Variants in RNLS observed in about 807,000 individuals in gnomAD.
RNLS encodes renalase, FAD dependent amine oxidase.
In RNLS, 39 loss-of-function variants were observed where a neutral mutation model predicts 39.8. That is an observed-to-expected ratio of 0.98 (90% CI 0.76 to 1.28). The LOEUF (loss-of-function observed/expected upper bound fraction) is 1.28, where lower values mean the gene tolerates loss of function less well. Ranked by LOEUF, RNLS falls within the 50% of genes most tolerant of loss-of-function variation. The pLI, the probability that RNLS is intolerant of heterozygous loss-of-function variation, is 0.00. For missense variants in RNLS, 410 were observed against 413.3 expected (o/e 0.99, Z 0.07); for synonymous variants, 147 against 150.7 (o/e 0.98, Z 0.18).
At position 88,558,858 on chromosome 10, in the gene RNLS, T is replaced by C. The variant is rs183605705; in HGVS notation, c.526+14045A>G. 3.1e-3 allele frequency among the ~76,000 whole-genome samples: 479 copies of C among 152,300 alleles called. 3 individuals are homozygous for C. Among genetic ancestry groups the C allele is most frequent in the African/African-American group, 0.011 (443 of 41,564 alleles). Reference sequence around the variant, plus strand: ...AAAATGTAAGGCTAATAACTGTTTTTTCTAAAATTAAGATCCCAGTTTATA... The same window carrying C: ...AAAATGTAAGGCTAATAACTGTTTTCTCTAAAATTAAGATCCCAGTTTATA... On this transcript the variant is annotated intron_variant, in intron 4 of 6. Transcript: ENST00000331772.
intron 4 of RNLS, among the ~76,000 whole-genome samples, chr10:88,387,562 AAATGAG>A (rs1158295896): frequency 1.3e-5 from 2 of 152,112 alleles, no homozygotes; most frequent in East Asian, 3.9e-4. Context: ...ACTGAGACAA[AAATGAG>A]AATAACAAGC....
intron 4 of RNLS, among the ~76,000 whole-genome samples, chr10:88,468,227 T>C (rs76440128): frequency 6.6e-6 from 1 of 152,222 alleles, no homozygotes; most frequent in South Asian, 2.1e-4. Flanking sequence ...CAAAAAATGC[T>C]CTGGGGTGGG....
chr10:88,335,556 T>C (rs1847426486), intron 5 of RNLS, among the ~76,000 whole-genome samples: 1 of 152,208 alleles, frequency 6.6e-6, no homozygotes, highest in Non-Finnish European at 1.5e-5. Flanking sequence ...GTGAATTGTT[T>C]CTAAATGTAG....
At chr10:88,176,282 C>T in the RNLS span, among the ~76,000 whole-genome samples, 2 of 152,200 alleles carry the variant, frequency 1.3e-5, 1 homozygote, top group Admixed American at 1.3e-4. Flanking sequence ...TCAAGAGATT[C>T]CCCTGCCTCA....
At chr10:88,330,086 T>A (rs975441427) in intron 5 of RNLS, among the ~76,000 whole-genome samples, 3 of 143,580 alleles carry the variant, frequency 2.1e-5, no homozygotes, top group African/African-American at 5.1e-5. Flanking sequence ...TATATATATA[T>A]ATATAAATAT....
At chr10:88,551,101 A>G (rs765746484) in intron 4 of RNLS, among the ~76,000 whole-genome samples, 1 of 152,198 alleles carries the variant, frequency 6.6e-6, no homozygotes, top group African/African-American at 2.4e-5. Flanking sequence ...AACCACATGG[A>G]TCAGCTGTCC....
the RNLS span, among the ~76,000 whole-genome samples, chr10:88,198,661 A>T: frequency 0.73 from 110,966 of 151,812 alleles, 40,935 homozygotes; most frequent in Non-Finnish European, 0.79. Context: ...GGTTGTTTAA[A>T]AGTGTGTAGC....
chr10:88,376,462 T>TAA (rs1851008276), intron 4 of RNLS, among the ~76,000 whole-genome samples: 1 of 152,332 alleles, frequency 6.6e-6, no homozygotes, highest in East Asian at 1.9e-4. Context: ...TTGAGAAATT[T>TAA]AACTTTTTAA....
chr10:88,455,664 C>T (rs11202752), intron 4 of RNLS, among the ~76,000 whole-genome samples: 24,183 of 152,038 alleles, frequency 0.16, 2,194 homozygotes, highest in Admixed American at 0.26. Flanking sequence ...CCTCGACCTC[C>T]GAAAGTGCTG....
In RNLS at chr10:88,533,879, GA is replaced by G. The variant is rs776061085; in HGVS notation, c.526+39023del. Among the ~76,000 whole-genome samples, 6 of 152,210 alleles carry G rather than the reference GA, an allele frequency of 3.9e-5. No homozygotes were observed. The South Asian group carries it at 1.2e-3, about 32-fold the overall frequency. ...GAAATCAGTCTAAAAATAAAGATTT[GA>G]AATCTTCAGCACGGAAAGCCTTGGG... On this transcript the variant is annotated intron_variant, in intron 4 of 6. Coordinates refer to ENST00000331772, the MANE Select transcript of RNLS (RefSeq NM_001031709.3).
intron 4 of RNLS, among the ~76,000 whole-genome samples, chr10:88,422,026 G>A (rs916264537): frequency 6.6e-6 from 1 of 152,254 alleles, no homozygotes; most frequent in Middle Eastern, 3.4e-3. Context: ...GGTTGTGTTG[G>A]TTTTTTAAGA....
intron 4 of RNLS, among the ~76,000 whole-genome samples, chr10:88,475,700 T>C (rs2477956): frequency 0.3 from 45,304 of 152,030 alleles, 8,178 homozygotes; most frequent in East Asian, 0.45. Context: ...AGGAAAAACA[T>C]GGTCTCTGGC....
the RNLS span, among the ~76,000 whole-genome samples, chr10:88,212,998 T>C: frequency 1.3e-5 from 2 of 152,184 alleles, no homozygotes; most frequent in African/African-American, 2.4e-5. Flanking sequence ...GCTCTTAATG[T>C]AAAGAAAAAA....
chr10:88,269,529 C>T (rs918187517), downstream of RNLS, among the ~76,000 whole-genome samples: 1 of 152,152 alleles, frequency 6.6e-6, no homozygotes, highest in Non-Finnish European at 1.5e-5. Context: ...TAACTGACTC[C>T]TGCTGAAACA....
the RNLS span, among the ~76,000 whole-genome samples, chr10:88,203,391 TATGTGTATATATATATATATAC>T: frequency 4.3e-3 from 48 of 11,060 alleles, 19 homozygotes; most frequent in African/African-American, 0.022. Context: ...TATATACACG[TATGTGTATATATATATATATAC>T]ACGTATGTGT....
At chr10:88,211,276 A>G in the RNLS span, among the ~76,000 whole-genome samples, 1 of 152,192 alleles carries the variant, frequency 6.6e-6, no homozygotes, top group Non-Finnish European at 1.5e-5. Flanking sequence ...CTCCCAATGC[A>G]TGCATGCATC....
chr10:88,389,981 G>A (rs1263913954), intron 4 of RNLS, among the ~76,000 whole-genome samples: 1 of 152,206 alleles, frequency 6.6e-6, no homozygotes, highest in African/African-American at 2.4e-5. Context: ...GAAGGTGATG[G>A]CAATTACAGC....
At chr10:88,252,252 G>A in the RNLS span, among the ~76,000 whole-genome samples, 14 of 152,158 alleles carry the variant, frequency 9.2e-5, no homozygotes, top group Admixed American at 9.2e-4. Context: ...AGTAGGTACT[G>A]TATGCATTTG....
intron 3 of RNLS, among the ~76,000 whole-genome samples, chr10:88,576,864 G>A (rs889427189): frequency 1.3e-5 from 2 of 152,096 alleles, no homozygotes; most frequent in African/African-American, 2.4e-5. Flanking sequence ...TGCAAATGTT[G>A]ACTTTCTGGA....
Sources: allele counts gnomAD v4.1 joint callset (sites outside exome capture counted in the v4.1 genomes callset), GRCh38; gene constraint gnomAD v4.1.1; transcripts MANE v1.5; gene names NCBI Gene and HGNC (gene_info 2026-07-23, HGNC 2026-07-21).